Variants in FRMD4A observed in about 807,000 individuals in gnomAD.
The protein encoded by FRMD4A is FERM domain containing 4A.
FRMD4A carries 29 observed loss-of-function variants against 129.1 expected under a neutral mutation model. The ratio of observed to expected loss-of-function variants is 0.22; its 90% CI spans 0.17 to 0.31. The LOEUF (loss-of-function observed/expected upper bound fraction) is 0.31. Among genes scored for constraint, FRMD4A ranks in the 10% least tolerant of loss-of-function variants. The pLI is 1.00. For missense variants in FRMD4A, 1,272 were observed against 1,375.8 expected (o/e 0.92, Z 1.19); for synonymous variants, 634 against 571.6 (o/e 1.11, Z -1.56).
At position 14,185,956 on chromosome 10, in the gene FRMD4A, G is replaced by A. The variant is rs193263278; in HGVS notation, c.45+144102C>T. Among the ~76,000 whole-genome samples, 524 of 152,260 alleles carry A rather than the reference G, an allele frequency of 3.4e-3. 2 individuals carry two copies. Among genetic ancestry groups the A allele is most frequent in the Non-Finnish European group, 5.6e-3 (382 of 68,012 alleles). On this transcript the variant is annotated intron_variant, in intron 2 of 24. Coordinates refer to ENST00000357447, the MANE Select transcript of FRMD4A (RefSeq NM_018027.5). Reference sequence around the variant, plus strand: ...AGCTGGAGCAGAATGATGTGCATCAGGTGAGAGGAAAAGCACAAGGCCAGA... The same window carrying A: ...AGCTGGAGCAGAATGATGTGCATCAAGTGAGAGGAAAAGCACAAGGCCAGA...
intron 2 of FRMD4A, among the ~76,000 whole-genome samples, chr10:13,994,776 C>T (rs1239245855): frequency 6.6e-6 from 1 of 152,116 alleles, no homozygotes; most frequent in Non-Finnish European, 1.5e-5. Flanking sequence ...TTAGAAGATC[C>T]AGGAACACCG....
intron 12 of FRMD4A, among the ~76,000 whole-genome samples, chr10:13,713,437 TAA>T (rs2088246602): frequency 6.6e-6 from 1 of 152,204 alleles, no homozygotes. Flanking sequence ...TGGACAGGAA[TAA>T]TCTCCAAGCT....
intron 2 of FRMD4A, among the ~76,000 whole-genome samples, chr10:14,222,632 GT>G (rs1843299041): frequency 6.6e-6 from 1 of 152,150 alleles, no homozygotes; most frequent in African/African-American, 2.4e-5. Flanking sequence ...ATATGACCCC[GT>G]CCCACTCAAA....
chr10:13,990,256 C>T (rs1030844896), intron 2 of FRMD4A, among the ~76,000 whole-genome samples: 3 of 152,190 alleles, frequency 2.0e-5, no homozygotes, highest in African/African-American at 7.2e-5. Flanking sequence ...CTATTCTTGG[C>T]TGTGCTTCTG....
At chr10:13,683,432 A>C (rs948767104) in intron 15 of FRMD4A, among the ~76,000 whole-genome samples, 3 of 151,434 alleles carry the variant, frequency 2.0e-5, no homozygotes, top group Admixed American at 6.6e-5. Flanking sequence ...AAAAAAAAAA[A>C]CAAAAAATAA....
chr10:14,127,981 TCTCTCTCTCTCTC>T (rs1564319464), intron 2 of FRMD4A, among the ~76,000 whole-genome samples: 10 of 18,204 alleles, frequency 5.5e-4, no homozygotes, highest in African/African-American at 2.7e-3. Context: ...TTTCTTTCCT[TCTCTCTCTCTCTC>T]TCTCTCTTTC....
At chr10:13,693,846 C>T in intron 15 of FRMD4A, 52 bp downstream of exon 15, 1 of 1,586,754 alleles carries the variant, frequency 6.3e-7, no homozygotes, top group Non-Finnish European at 8.6e-7. Context: ...TGGGTCCCCT[C>T]TGGGGTCCCA....
At chr10:14,105,320 C>A (rs1837530603) in intron 2 of FRMD4A, among the ~76,000 whole-genome samples, 1 of 152,112 alleles carries the variant, frequency 6.6e-6, no homozygotes, top group Non-Finnish European at 1.5e-5. Context: ...AATCCCAGCA[C>A]TTTGGGTGGC....
intron 2 of FRMD4A, among the ~76,000 whole-genome samples, chr10:14,075,591 A>T (rs777147170): frequency 6.6e-6 from 1 of 152,254 alleles, no homozygotes; most frequent in Non-Finnish European, 1.5e-5. Context: ...TGGCTTAGAT[A>T]TGAAAGCGTA....
chr10:13,784,278 G>C (rs1383565421), intron 5 of FRMD4A, among the ~76,000 whole-genome samples: 2 of 152,180 alleles, frequency 1.3e-5, no homozygotes, highest in Admixed American at 1.3e-4. Context: ...TGTGACTCAG[G>C]GCAGTCACAT....
At chr10:14,323,065 T>C (rs1226357912) in intron 2 of FRMD4A, among the ~76,000 whole-genome samples, 3 of 152,216 alleles carry the variant, frequency 2.0e-5, no homozygotes, top group Non-Finnish European at 2.9e-5. Flanking sequence ...AATTTGCTCA[T>C]AACTAGAATG....
At chr10:13,948,028 C>T (rs1360526672) in intron 2 of FRMD4A, among the ~76,000 whole-genome samples, 1 of 150,374 alleles carries the variant, frequency 6.7e-6, no homozygotes, top group Non-Finnish European at 1.5e-5. Context: ...GGAGATCTTG[C>T]CTCTATAAAA....
intron 10 of FRMD4A, 115 bp downstream of exon 10, chr10:13,740,397 A>G: frequency 1.1e-6 from 1 of 875,530 alleles, no homozygotes; most frequent in Non-Finnish European, 1.9e-6. Flanking sequence ...TTAAATGGAA[A>G]CATACACCCC....
chr10:13,995,040 A>G (rs1192073270), intron 2 of FRMD4A, among the ~76,000 whole-genome samples: 2 of 152,146 alleles, frequency 1.3e-5, no homozygotes, highest in Non-Finnish European at 1.5e-5. Flanking sequence ...ATAGAAACCA[A>G]CTCTCAAACC....
chr10:14,246,173 T>C (rs1844229121), intron 2 of FRMD4A, among the ~76,000 whole-genome samples: 1 of 152,214 alleles, frequency 6.6e-6, no homozygotes, highest in African/African-American at 2.4e-5. Context: ...GGTTTCTTGT[T>C]GAATCAACCC....
intron 9 of FRMD4A, among the ~76,000 whole-genome samples, chr10:13,744,142 T>C (rs1414543840): frequency 2.0e-5 from 3 of 152,128 alleles, no homozygotes; most frequent in Non-Finnish European, 4.4e-5. Flanking sequence ...GTTCCCCGTC[T>C]TGGAGCAGCT....
intron 2 of FRMD4A, among the ~76,000 whole-genome samples, chr10:14,161,942 T>C (rs1840908032): frequency 6.6e-6 from 1 of 151,900 alleles, no homozygotes; most frequent in Non-Finnish European, 1.5e-5. Flanking sequence ...TATGTATCAA[T>C]ATGCAAAGGC....
intron 2 of FRMD4A, among the ~76,000 whole-genome samples, chr10:14,158,175 G>C (rs1269830222): frequency 1.3e-5 from 2 of 152,206 alleles, no homozygotes; most frequent in East Asian, 1.9e-4. Flanking sequence ...AGGAGCTGGA[G>C]AAGAATTTGG....
intron 2 of FRMD4A, among the ~76,000 whole-genome samples, chr10:14,184,430 T>C (rs1842016207): frequency 6.6e-6 from 1 of 151,906 alleles, no homozygotes; most frequent in Non-Finnish European, 1.5e-5. Context: ...TATACCCAGC[T>C]TGTTGAGTAA....
Sources: gnomAD v4.1 joint callset for allele counts (sites outside exome capture counted in the v4.1 genomes callset) on GRCh38, gnomAD v4.1.1 for gene constraint, MANE v1.5 for transcripts, NCBI Gene and HGNC (gene_info 2026-07-23, HGNC 2026-07-21) for gene names.